Variants in CEP112 observed in about 807,000 individuals in gnomAD.
CEP112 encodes the protein centrosomal protein 112, also known as centrosomal protein of 112 kDa.
Under a neutral mutation model 153.0 loss-of-function variants are expected in CEP112, and 127 were observed. That is an observed-to-expected ratio of 0.83 (90% CI 0.72 to 0.96). CEP112 has a LOEUF of 0.96. Among genes scored for constraint, CEP112 ranks in the 40% least tolerant of loss-of-function variants. CEP112 has a pLI of 0.00. For missense variants in CEP112, 1,089 were observed against 1,101.2 expected (o/e 0.99, Z 0.16); for synonymous variants, 358 against 374.4 (o/e 0.96, Z 0.51).
At chr17:65,895,124 T>C (rs1352119372) in intron 20 of CEP112, among the ~76,000 whole-genome samples, 1 of 152,116 alleles carries the variant, frequency 6.6e-6, no homozygotes, top group African/African-American at 2.4e-5. Flanking sequence ...GACTTTGCTA[T>C]GAGTTGGGCA....
intron 12 of CEP112, among the ~76,000 whole-genome samples, chr17:66,043,494 G>T (rs947626775): frequency 6.6e-6 from 1 of 152,012 alleles, no homozygotes; most frequent in Non-Finnish European, 1.5e-5. Flanking sequence ...TTCTGAGAAG[G>T]ACTACACAGA....
At chr17:65,987,784 C>G (rs1245680127) in intron 17 of CEP112, among the ~76,000 whole-genome samples, 1 of 152,196 alleles carries the variant, frequency 6.6e-6, no homozygotes, top group Non-Finnish European at 1.5e-5. Context: ...CAATGTCCCT[C>G]CCCTCCAATC....
At chr17:65,727,351 G>T (rs1397299980) in intron 23 of CEP112, among the ~76,000 whole-genome samples, 2 of 151,562 alleles carry the variant, frequency 1.3e-5, no homozygotes, top group African/African-American at 4.9e-5. Context: ...TTTTCCTATT[G>T]ATTTCCAAAC....
chr17:66,104,635 T>C (rs754221606), intron 6 of CEP112, among the ~76,000 whole-genome samples: 1 of 152,120 alleles, frequency 6.6e-6, no homozygotes, highest in African/African-American at 2.4e-5. Flanking sequence ...CACCTTTGGA[T>C]ACCAATTTGG....
intron 18 of CEP112, among the ~76,000 whole-genome samples, chr17:65,930,832 T>C: frequency 6.7e-6 from 1 of 150,224 alleles, no homozygotes; most frequent in East Asian, 2.1e-4. Context: ...CTTTTGCCCA[T>C]CATACTATCA....
chr17:66,052,836 G>GAA (rs1225747216), intron 12 of CEP112, among the ~76,000 whole-genome samples: 1 of 152,226 alleles, frequency 6.6e-6, no homozygotes, highest in African/African-American at 2.4e-5. Flanking sequence ...GCCAGGCGTG[G>GAA]TTGATCATGA....
intron 11 of CEP112, among the ~76,000 whole-genome samples, chr17:66,060,962 A>C (rs933734392): frequency 6.6e-6 from 1 of 152,014 alleles, no homozygotes; most frequent in Non-Finnish European, 1.5e-5. Flanking sequence ...AAATCAACAG[A>C]GTGAAAAGGC....
At chr17:65,646,193 C>T (rs906982072) in intron 24 of CEP112, among the ~76,000 whole-genome samples, 4 of 152,216 alleles carry the variant, frequency 2.6e-5, no homozygotes, top group African/African-American at 9.6e-5. Flanking sequence ...TTCCTTCCAT[C>T]ACTTTTCAAA....
intron 21 of CEP112, among the ~76,000 whole-genome samples, chr17:65,838,654 G>A (rs1351910303): frequency 6.6e-6 from 1 of 151,732 alleles, no homozygotes; most frequent in Non-Finnish European, 1.5e-5. Context: ...TATAAAGATT[G>A]GAGCAAAAAT....
intron 24 of CEP112, among the ~76,000 whole-genome samples, chr17:65,673,329 C>A (rs1248139976): frequency 6.6e-6 from 1 of 152,186 alleles, no homozygotes; most frequent in Non-Finnish European, 1.5e-5. Flanking sequence ...CTCTAGCCCC[C>A]CCGCCCTCTT....
intron 20 of CEP112, among the ~76,000 whole-genome samples, chr17:65,865,008 T>C (rs2058437865): frequency 6.6e-6 from 1 of 151,506 alleles, no homozygotes; most frequent in Non-Finnish European, 1.5e-5. Context: ...GTCCTTTCAT[T>C]TTACTTTATA....
chr17:66,110,867 GTTAAAC>G (rs1349881277), intron 6 of CEP112, among the ~76,000 whole-genome samples: 60 of 152,190 alleles, frequency 3.9e-4, no homozygotes, highest in Non-Finnish European at 3.5e-4. Flanking sequence ...GTGGGATCTA[GTTAAAC>G]TTAAGAGCTT....
chr17:66,080,081 T>A (rs1330757698), intron 8 of CEP112, among the ~76,000 whole-genome samples: 1 of 152,056 alleles, frequency 6.6e-6, no homozygotes, highest in East Asian at 1.9e-4. Flanking sequence ...GGCAATACCA[T>A]TCAGGATATA....
intron 20 of CEP112, among the ~76,000 whole-genome samples, chr17:65,857,626 T>C (rs1274760385): frequency 1.3e-5 from 2 of 152,194 alleles, no homozygotes; most frequent in African/African-American, 4.8e-5. Flanking sequence ...TACATTCAAT[T>C]TTTTCCATAA....
At chr17:65,974,212 G>T (rs1296614063) in intron 17 of CEP112, among the ~76,000 whole-genome samples, 1 of 151,830 alleles carries the variant, frequency 6.6e-6, no homozygotes, top group African/African-American at 2.4e-5. Context: ...AAGTGGCTGG[G>T]ACTACAGGCA....
intron 23 of CEP112, among the ~76,000 whole-genome samples, chr17:65,701,886 CTTTTTTTTTTTGTTTTTT>C (rs1454599209): frequency 7.7e-6 from 1 of 129,094 alleles, no homozygotes; most frequent in African/African-American, 2.8e-5. Context: ...CCTTCAACTT[CTTTTTTTTTTTGTTTTTT>C]TTTTTTTTTT....
At chr17:65,925,765 AT>A (rs2060899846) in intron 19 of CEP112, among the ~76,000 whole-genome samples, 1 of 152,122 alleles carries the variant, frequency 6.6e-6, no homozygotes. Context: ...TTCTGAGTCA[AT>A]TTTAGAAGAC....
At chr17:66,007,946 C>G (rs1048384184) in intron 16 of CEP112, among the ~76,000 whole-genome samples, 2 of 151,862 alleles carry the variant, frequency 1.3e-5, no homozygotes, top group Non-Finnish European at 2.9e-5. Flanking sequence ...GCCGTTTTTT[C>G]CTGTTTCCTA....
At chr17:65,952,643 T>A (rs982051497) in intron 18 of CEP112, among the ~76,000 whole-genome samples, 1 of 152,178 alleles carries the variant, frequency 6.6e-6, no homozygotes, top group Non-Finnish European at 1.5e-5. Flanking sequence ...ATGGAATGAC[T>A]GACATATATG....
Sources: gnomAD v4.1 joint callset for allele counts (sites outside exome capture counted in the v4.1 genomes callset) on GRCh38, gnomAD v4.1.1 for gene constraint, MANE v1.5 for transcripts, NCBI Gene and HGNC (gene_info 2026-07-23, HGNC 2026-07-21) for gene names.